The following PIGN variants were observed in gnomAD, a reference collection of about 807,000 sequenced individuals.
The protein encoded by PIGN is phosphatidylinositol glycan anchor biosynthesis class N.
Under a neutral mutation model 125.4 loss-of-function variants are expected in PIGN, and 117 were observed. The observed-to-expected ratio is 0.93, with a 90% CI of 0.80 to 1.09. PIGN has a LOEUF of 1.09. PIGN is among the 50% of genes least tolerant of loss of function. PIGN has a pLI of 0.00. For synonymous variants in PIGN, 392 were observed against 377.8 expected, an observed-to-expected ratio of 1.04 and a Z score of -0.44; for missense variants, 1,075 against 1,094.9, an observed-to-expected ratio of 0.98 and a Z score of 0.26.
chr18:62,048,859 T>G (rs10084035), intron 30 of PIGN, among the ~76,000 whole-genome samples: 1 of 109,702 alleles, frequency 9.1e-6, no homozygotes, highest in Non-Finnish European at 1.8e-5. Context: ...CCCCTCCCCC[T>G]ACCCCACAAC....
intron 30 of PIGN, among the ~76,000 whole-genome samples, chr18:62,054,047 A>G (rs1175379078): frequency 6.6e-6 from 1 of 152,230 alleles, no homozygotes; most frequent in Non-Finnish European, 1.5e-5. Context: ...GATTGAATGT[A>G]ATGAAAATAA....
chr18:62,108,466 T>C (rs2034739084), intron 17 of PIGN, among the ~76,000 whole-genome samples: 1 of 152,172 alleles, frequency 6.6e-6, no homozygotes, highest in South Asian at 2.1e-4. Context: ...GAGTTAAATA[T>C]GCGTATGCAA....
intron 12 of PIGN, among the ~76,000 whole-genome samples, chr18:62,139,511 C>T (rs74766956): frequency 0.066 from 10,064 of 152,188 alleles, 623 homozygotes; most frequent in African/African-American, 0.16. Context: ...CTATGACTGT[C>T]GGGGTCATAT....
intron 10 of PIGN, among the ~76,000 whole-genome samples, chr18:62,145,529 CTTTG>C (rs2036294688): frequency 1.3e-5 from 2 of 152,258 alleles, no homozygotes; most frequent in Admixed American, 1.3e-4. Context: ...ACAGCATGTA[CTTTG>C]TTTGGGTTGA....
chr18:62,121,559 T>C (rs946850707), intron 14 of PIGN, among the ~76,000 whole-genome samples: 5 of 152,134 alleles, frequency 3.3e-5, no homozygotes, highest in Non-Finnish European at 5.9e-5. Context: ...TCTGAATGGA[T>C]GGTAAGAACA....
chr18:62,084,433 G>A (rs1327824736), intron 27 of PIGN, 98 bp downstream of exon 27: 1 of 731,962 alleles, frequency 1.4e-6, no homozygotes, highest in Non-Finnish European at 2.2e-6. Context: ...AACTCTGAAA[G>A]GATATCTTCT....
chr18:62,073,170 GGTGTGTGTGTGTGTGT>G (rs34182707), intron 29 of PIGN, among the ~76,000 whole-genome samples: 5 of 145,446 alleles, frequency 3.4e-5, no homozygotes, highest in Admixed American at 6.9e-5. Flanking sequence ...AATTATCAGG[GGTGTGTGTGTGTGTGT>G]GTGTGTGTGT....
intron 22 of PIGN, among the ~76,000 whole-genome samples, chr18:62,097,155 A>C (rs567882599): frequency 0.014 from 1,868 of 137,184 alleles, 43 homozygotes; most frequent in East Asian, 0.069. Context: ...CATGGGAGAA[A>C]ATTTTCGCAA....
At chr18:62,018,242 C>T (rs891657793) in intron 23 of PIGN, among the ~76,000 whole-genome samples, 1 of 152,194 alleles carries the variant, frequency 6.6e-6, no homozygotes, top group Non-Finnish European at 1.5e-5. Context: ...CTTCCAGCTG[C>T]TCTGGTAGAG....
chr18:62,030,683 C>T (rs1007553722), intron 23 of PIGN, among the ~76,000 whole-genome samples: 1 of 152,196 alleles, frequency 6.6e-6, no homozygotes, highest in Non-Finnish European at 1.5e-5. Flanking sequence ...TCATGTTGAA[C>T]TCTGATACTC....
chr18:62,132,683 A>C (rs1414501339), intron 14 of PIGN, among the ~76,000 whole-genome samples: 1 of 152,182 alleles, frequency 6.6e-6, no homozygotes, highest in Non-Finnish European at 1.5e-5. Flanking sequence ...CTCTATTAAA[A>C]AAAAATGATA....
chr18:62,068,601 C>G (rs547517884), intron 30 of PIGN, among the ~76,000 whole-genome samples: 1 of 152,328 alleles, frequency 6.6e-6, no homozygotes, highest in East Asian at 1.9e-4. Context: ...CCAAGCTCAA[C>G]AACGTCCTCT....
chr18:62,138,825 C>T (rs2036029951), intron 13 of PIGN, among the ~76,000 whole-genome samples, 158 bp downstream of exon 13: 1 of 152,156 alleles, frequency 6.6e-6, no homozygotes, highest in South Asian at 2.1e-4. Context: ...AGAACCTACC[C>T]TTCAGAAATG....
At chr18:62,147,836 A>G (rs2036389636) in intron 8 of PIGN, among the ~76,000 whole-genome samples, 1 of 152,168 alleles carries the variant, frequency 6.6e-6, no homozygotes, top group Non-Finnish European at 1.5e-5. Context: ...TAAAGGGAAT[A>G]CACAAGGAAT....
intron 11 of PIGN, among the ~76,000 whole-genome samples, chr18:62,142,706 T>C (rs753200469): frequency 1.1e-4 from 17 of 152,194 alleles, no homozygotes; most frequent in Non-Finnish European, 2.9e-5. Context: ...CTATACCTTC[T>C]ACAAATAGTG....
At chr18:62,024,054 A>T (rs1256966671) in intron 23 of PIGN, among the ~76,000 whole-genome samples, 2 of 152,198 alleles carry the variant, frequency 1.3e-5, no homozygotes, top group Non-Finnish European at 2.9e-5. Context: ...TGGAATACAG[A>T]GGGCAGCTAA....
chr18:62,067,290 T>C (rs2032577900), intron 30 of PIGN, among the ~76,000 whole-genome samples: 1 of 152,238 alleles, frequency 6.6e-6, no homozygotes, highest in Non-Finnish European at 1.5e-5. Flanking sequence ...TCCACTCATT[T>C]CAACTTTTAG....
chr18:62,164,291 T>A (rs1235304621), intron 1 of PIGN, among the ~76,000 whole-genome samples: 3 of 152,234 alleles, frequency 2.0e-5, no homozygotes, highest in Non-Finnish European at 4.4e-5. Flanking sequence ...TTTTTACACA[T>A]ATTTCATACT....
chr18:62,045,698 G>T lies in PIGN; in HGVS notation c.*158C>A. 8.3e-6 allele frequency: 5 copies of T among 602,192 alleles called. No individual in the cohort carries two copies. Among genetic ancestry groups the T allele is most frequent in the Middle Eastern group, 3.5e-4 (1 of 2,878 alleles). 37.3% of individuals were successfully genotyped at this position (602,192 alleles called of 1,614,324 possible). ...CCTAGAAAAAAAAAGAAGCTCCTTT[G>T]TTCCAGATAACCTGTCAATTCGGAA... On this transcript the variant is annotated 3_prime_UTR_variant, in exon 31 of 31. Transcript: ENST00000640252.
Sources: gnomAD v4.1 joint callset for allele counts (sites outside exome capture counted in the v4.1 genomes callset) on GRCh38, gnomAD v4.1.1 for gene constraint, MANE v1.5 for transcripts, NCBI Gene and HGNC (gene_info 2026-07-23, HGNC 2026-07-21) for gene names.